The following STARD13 variants were observed in gnomAD, a reference collection of about 807,000 sequenced individuals.
STARD13 encodes StAR related lipid transfer domain containing 13.
Under a neutral mutation model 106.4 loss-of-function variants are expected in STARD13, and 62 were observed. That is an observed-to-expected ratio of 0.58 (90% CI 0.48 to 0.72). The LOEUF is 0.72. Ranked by LOEUF, STARD13 falls within the 30% of genes least tolerant of loss-of-function variation. The pLI is 0.00. For missense variants in STARD13, 1,387 were observed against 1,424.0 expected, an observed-to-expected ratio of 0.97 and a Z score of 0.42; for synonymous variants, 565 against 553.0, an observed-to-expected ratio of 1.02 and a Z score of -0.31.
the STARD13 span, among the ~76,000 whole-genome samples, chr13:33,457,467 C>T: frequency 6.6e-6 from 1 of 152,146 alleles, no homozygotes; most frequent in African/African-American, 2.4e-5. Flanking sequence ...AAACTGTCTG[C>T]CCATTTAAGT....
At chr13:33,327,819 T>A (rs550584415) in intron 1 of STARD13, among the ~76,000 whole-genome samples, 6 of 152,330 alleles carry the variant, frequency 3.9e-5, no homozygotes, top group African/African-American at 1.4e-4. Context: ...TTAAAATAGT[T>A]AAGTTTTTCA....
chr13:33,301,623 C>T (rs1205892091), intron 1 of STARD13, among the ~76,000 whole-genome samples: 3 of 141,978 alleles, frequency 2.1e-5, no homozygotes, highest in Non-Finnish European at 3.0e-5. Flanking sequence ...GCTGGAGTAC[C>T]GTGGCGTGAT....
chr13:33,132,042 C>T (rs626326), intron 4 of STARD13, among the ~76,000 whole-genome samples: 49,635 of 152,072 alleles, frequency 0.33, 8,808 homozygotes, highest in Non-Finnish European at 0.41. Context: ...TAAGCAGATG[C>T]ACAGTTAATC....
chr13:33,261,309 C>T lies in STARD13; in HGVS notation c.169+24161G>A, dbSNP rs1594181294. On this transcript the variant is annotated intron_variant, in intron 1 of 13. Coordinates refer to ENST00000336934, the MANE Select transcript of STARD13 (RefSeq NM_178006.4). ...GCATCCCACAATGCATAGGACAGTC[C>T]CCACAAAAAACAATTACCTGGCCCC... Among the ~76,000 whole-genome samples, 6 of 152,072 alleles carry T rather than the reference C, an allele frequency of 3.9e-5. 1 individual carries two copies. The highest frequency in any genetic ancestry group is 3.9e-4 in the Admixed American group (6 of 15,250).
chr13:33,664,217 C>T, the STARD13 span, among the ~76,000 whole-genome samples: 2 of 152,208 alleles, frequency 1.3e-5, no homozygotes, highest in South Asian at 2.1e-4. Flanking sequence ...CGAACCTGCT[C>T]GGGGAGGCTC....
intron 4 of STARD13, among the ~76,000 whole-genome samples, chr13:33,135,303 T>G (rs751728010): frequency 8.5e-5 from 13 of 152,210 alleles, no homozygotes; most frequent in Non-Finnish European, 1.6e-4. Context: ...TTTGTCACCA[T>G]TTGAAAAGTC....
chr13:33,384,075 T>C, the STARD13 span, among the ~76,000 whole-genome samples: 1 of 152,190 alleles, frequency 6.6e-6, no homozygotes, highest in Non-Finnish European at 1.5e-5. Context: ...AGATAAATTA[T>C]CCCTGGGAGA....
At chr13:33,639,509 T>C in the STARD13 span, among the ~76,000 whole-genome samples, 1 of 152,238 alleles carries the variant, frequency 6.6e-6, no homozygotes, top group Non-Finnish European at 1.5e-5. Flanking sequence ...AGAAAAATTC[T>C]CCTAGTAGGT....
At chr13:33,519,850 C>G in the STARD13 span, 1 of 152,096 alleles carries the variant, frequency 6.6e-6, no homozygotes, top group Non-Finnish European at 1.5e-5. Context: ...AGAGCCAACT[C>G]AACACAAAAA....
At chr13:33,198,985 A>G (rs1348943492) in intron 1 of STARD13, among the ~76,000 whole-genome samples, 1 of 152,230 alleles carries the variant, frequency 6.6e-6, no homozygotes, top group Non-Finnish European at 1.5e-5. Flanking sequence ...TTCCCAATGC[A>G]GTGATCTCTC....
upstream of STARD13, chr13:33,355,198 C>T (rs1160070830): frequency 6.6e-6 from 1 of 152,146 alleles, no homozygotes; most frequent in Non-Finnish European, 1.5e-5. Flanking sequence ...TCACCATTGC[C>T]TCTCACAACC....
chr13:33,205,976 A>G, intron 1 of STARD13: 9 of 985,186 alleles, frequency 9.1e-6, no homozygotes, highest in Non-Finnish European at 1.1e-5. Context: ...GCCAGCTAAT[A>G]TTTCCTCTGT....
At chr13:33,181,605 T>C (rs572433000) in intron 1 of STARD13, among the ~76,000 whole-genome samples, 1 of 152,344 alleles carries the variant, frequency 6.6e-6, no homozygotes, top group East Asian at 1.9e-4. Context: ...GTTGTACATA[T>C]GGGAAAATGT....
At chr13:33,541,719 A>G in the STARD13 span, among the ~76,000 whole-genome samples, 1 of 152,340 alleles carries the variant, frequency 6.6e-6, no homozygotes, top group East Asian at 1.9e-4. Context: ...AAATCCAGAT[A>G]AAAGTGTTTA....
the STARD13 span, among the ~76,000 whole-genome samples, chr13:33,615,707 G>A: frequency 6.6e-6 from 1 of 152,138 alleles, no homozygotes; most frequent in Non-Finnish European, 1.5e-5. Context: ...GCAAAGCATG[G>A]TGCTGTGCAA....
chr13:33,315,836 C>T (rs915507688), intron 1 of STARD13, among the ~76,000 whole-genome samples: 4 of 152,088 alleles, frequency 2.6e-5, no homozygotes, highest in African/African-American at 7.2e-5. Flanking sequence ...AAATCCTACA[C>T]AACATTTTTT....
the STARD13 span, among the ~76,000 whole-genome samples, chr13:33,364,758 G>A: frequency 1.4e-4 from 22 of 152,130 alleles, no homozygotes; most frequent in Non-Finnish European, 2.5e-4. Context: ...GCGTGGTGGC[G>A]GGCGCCTGTA....
At chr13:33,342,845 C>A (rs1303010644) in intron 1 of STARD13, among the ~76,000 whole-genome samples, 6 of 152,154 alleles carry the variant, frequency 3.9e-5, no homozygotes, top group African/African-American at 9.7e-5. Context: ...AAATTTAGTA[C>A]GTGCGTATGT....
upstream of STARD13, among the ~76,000 whole-genome samples, chr13:33,290,664 C>A (rs907270251): frequency 6.6e-6 from 1 of 152,264 alleles, no homozygotes; most frequent in African/African-American, 2.4e-5. Flanking sequence ...CTGTCTGGTG[C>A]ATTCCCATCT....
Sources: gnomAD v4.1 joint callset for allele counts (sites outside exome capture counted in the v4.1 genomes callset) on GRCh38, gnomAD v4.1.1 for gene constraint, MANE v1.5 for transcripts, NCBI Gene and HGNC (gene_info 2026-07-23, HGNC 2026-07-21) for gene names.